CYP4Z1: variants seen among roughly 807,000 people sequenced by gnomAD.
The protein encoded by CYP4Z1 is cytochrome P450 family 4 subfamily Z member 1, also known as cytochrome P450 4Z1.
CYP4Z1 carries 41 observed loss-of-function variants against 54.2 expected under a neutral mutation model. The observed-to-expected ratio is 0.76, with a 90% CI of 0.59 to 0.98. The LOEUF is 0.98. CYP4Z1 is among the 50% of genes least tolerant of loss of function. The pLI, the probability that CYP4Z1 is intolerant of heterozygous loss-of-function variation, is 0.00. For synonymous variants in CYP4Z1, 163 were observed against 206.2 expected (o/e 0.79, Z 1.79); for missense variants, 513 against 599.0 (o/e 0.86, Z 1.50).
chr1:47,114,811 G>T (rs1397545633), intron 9 of CYP4Z1, among the ~76,000 whole-genome samples: 1 of 152,184 alleles, frequency 6.6e-6, no homozygotes, highest in African/African-American at 2.4e-5. Context: ...TGCTGGAGAG[G>T]ATGTGGAGAA....
intron 2 of CYP4Z1, among the ~76,000 whole-genome samples, chr1:47,077,755 G>T (rs12402807): frequency 0.078 from 11,772 of 150,378 alleles, 519 homozygotes; most frequent in East Asian, 0.21. Context: ...TGAGCAGTTG[G>T]AACTACAGGC....
intron 6 of CYP4Z1, among the ~76,000 whole-genome samples, chr1:47,089,268 AC>A (rs1314985037): frequency 6.6e-6 from 1 of 151,654 alleles, no homozygotes; most frequent in African/African-American, 2.4e-5. Context: ...CACCATTTGA[AC>A]CTCTATTTAC....
At chr1:47,099,412 G>C (rs1187810768) in intron 8 of CYP4Z1, 128 bp downstream of exon 8, 1 of 825,502 alleles carries the variant, frequency 1.2e-6, no homozygotes, top group African/African-American at 1.7e-5. Flanking sequence ...AAGGGTGTAG[G>C]CTAGAGTCCT....
At chr1:47,088,121 A>G (rs1236379560) in intron 6 of CYP4Z1, among the ~76,000 whole-genome samples, 2 of 152,170 alleles carry the variant, frequency 1.3e-5, no homozygotes, top group African/African-American at 4.8e-5. Context: ...GGATTTTTGC[A>G]TCAATGTTCA....
chr1:47,057,871 G>A, the CYP4Z1 span, among the ~76,000 whole-genome samples: 2 of 151,924 alleles, frequency 1.3e-5, no homozygotes, highest in Non-Finnish European at 2.9e-5. Context: ...TGTATGGCTA[G>A]TGGGTTTTAA....
chr1:47,089,561 T>C (rs1434785689), intron 6 of CYP4Z1, among the ~76,000 whole-genome samples: 5 of 152,212 alleles, frequency 3.3e-5, no homozygotes, highest in Admixed American at 1.3e-4. Flanking sequence ...TTGCAATCCA[T>C]TGGTGTAACA....
intron 9 of CYP4Z1, among the ~76,000 whole-genome samples, chr1:47,112,284 A>G (rs1410565043): frequency 6.6e-6 from 1 of 152,170 alleles, no homozygotes; most frequent in Non-Finnish European, 1.5e-5. Flanking sequence ...ATAATTGTAT[A>G]ATACATAATT....
At chr1:47,117,142 C>A (rs1405115490) in intron 11 of CYP4Z1, among the ~76,000 whole-genome samples, 2 of 152,028 alleles carry the variant, frequency 1.3e-5, no homozygotes, top group Non-Finnish European at 2.9e-5. Context: ...TGAGAGACAC[C>A]CGATTTACCA....
intron 2 of CYP4Z1, among the ~76,000 whole-genome samples, chr1:47,069,182 A>G (rs1202144186): frequency 6.6e-6 from 1 of 152,230 alleles, no homozygotes; most frequent in Non-Finnish European, 1.5e-5. Flanking sequence ...GTCCTCTGGG[A>G]ATGGCCAGTG....
At chr1:47,069,158 C>T (rs1226994432) in intron 2 of CYP4Z1, among the ~76,000 whole-genome samples, 2 of 152,236 alleles carry the variant, frequency 1.3e-5, no homozygotes, top group African/African-American at 2.4e-5. Flanking sequence ...ATGCTTTGCC[C>T]ACTAATGTTG....
chr1:47,087,406 T>C (rs1033527183), intron 6 of CYP4Z1, among the ~76,000 whole-genome samples: 1 of 152,234 alleles, frequency 6.6e-6, no homozygotes, highest in Non-Finnish European at 1.5e-5. Context: ...GAAGAGGTCC[T>C]TCACATCCCT....
At chr1:47,077,620 G>A (rs1381990136) in intron 2 of CYP4Z1, among the ~76,000 whole-genome samples, 3 of 151,348 alleles carry the variant, frequency 2.0e-5, no homozygotes, top group Non-Finnish European at 4.4e-5. Flanking sequence ...TTTTTTATAT[G>A]TCTTATTTTT....
chr1:47,073,784 A>G (rs1289706476), intron 2 of CYP4Z1, among the ~76,000 whole-genome samples: 151 of 151,902 alleles, frequency 9.9e-4, no homozygotes, highest in African/African-American at 3.5e-3. Flanking sequence ...TTTGCCCGTG[A>G]TTAATTGGGC....
At chr1:47,068,406 G>A (rs1017939185) in intron 1 of CYP4Z1, among the ~76,000 whole-genome samples, 4 of 152,140 alleles carry the variant, frequency 2.6e-5, no homozygotes, top group Non-Finnish European at 2.9e-5. Flanking sequence ...AAGACCAATC[G>A]CTCAGCAACA....
intron 4 of CYP4Z1, among the ~76,000 whole-genome samples, chr1:47,083,897 A>G (rs1255911585): frequency 6.6e-6 from 1 of 152,172 alleles, no homozygotes. Flanking sequence ...AATCTTTCAG[A>G]ACATCTGATT....
rs1222366495 is a variant in CYP4Z1, at chr1:47,068,543, G to C, written c.178-79G>C. On this transcript the variant is annotated intron_variant, in intron 1 of 11. Transcript: ENST00000334194. ...GTGGTGTCCACAGATCCTCAACTTAGCACATGGTCCATCCGAGGGAAAGGG... is the reference window on the plus strand; with the variant it reads ...GTGGTGTCCACAGATCCTCAACTTACCACATGGTCCATCCGAGGGAAAGGG... 1.9e-6 allele frequency: 3 copies of C among 1,556,136 alleles called. No homozygotes were observed. The Admixed American group carries it at 5.3e-5, about 28-fold the overall frequency.
intron 4 of CYP4Z1, among the ~76,000 whole-genome samples, chr1:47,083,219 T>A (rs1395306649): frequency 6.6e-6 from 1 of 152,094 alleles, no homozygotes; most frequent in Non-Finnish European, 1.5e-5. Context: ...CTCAGAGACA[T>A]GGGTTCCCCT....
rs772462300 is a variant in CYP4Z1, at chr1:47,116,684, C to T, written c.1301C>T (p.Ser434Phe). The T allele has an allele frequency of 7.4e-6, 12 of 1,611,996 alleles. No homozygotes were observed. The African/African-American group carries it at 1.6e-4, about 22-fold the overall frequency. The change falls in exon 11 of 12, where the codon TCT becomes TTT. Residue 434 changes from serine to phenylalanine, a missense_variant. Transcript: ENST00000334194. ...FNPLRFSREN[S>F]EKIHPYAFIP... ...CCCTTGAGATTCTCCAGGGAAAATT[C>T]TGAAAAAATACATCCCTATGCCTTC...
chr1:47,087,804 C>G (rs1369852058), intron 6 of CYP4Z1, among the ~76,000 whole-genome samples: 1 of 152,100 alleles, frequency 6.6e-6, no homozygotes, highest in African/African-American at 2.4e-5. Flanking sequence ...CAGGTTTTGC[C>G]CATTCAGTAT....
Sources: gnomAD v4.1 joint callset for allele counts (sites outside exome capture counted in the v4.1 genomes callset) on GRCh38, gnomAD v4.1.1 for gene constraint, MANE v1.5 for transcripts, NCBI Gene and HGNC (gene_info 2026-07-23, HGNC 2026-07-21) for gene names.